Variants in DCDC2 observed in about 807,000 individuals in gnomAD.
DCDC2 encodes the protein doublecortin domain containing 2.
DCDC2 carries 40 observed loss-of-function variants against 50.2 expected under a neutral mutation model. The ratio of observed to expected loss-of-function variants is 0.80; its 90% CI spans 0.62 to 1.04. The LOEUF (loss-of-function observed/expected upper bound fraction) is 1.04. DCDC2 is among the 50% of genes least tolerant of loss of function. The probability of loss-of-function intolerance (pLI) is 0.00; values close to 1 mark genes in which losing one functional copy is unlikely to be tolerated. For missense variants in DCDC2, 570 were observed against 581.9 expected, an observed-to-expected ratio of 0.98 and a Z score of 0.21; for synonymous variants, 234 against 210.6, an observed-to-expected ratio of 1.11 and a Z score of -0.96.
intron 2 of DCDC2, among the ~76,000 whole-genome samples, chr6:24,316,024 C>T (rs911994619): frequency 2.0e-5 from 3 of 152,100 alleles, no homozygotes; most frequent in Non-Finnish European, 2.9e-5. Flanking sequence ...GGCTAGTAAG[C>T]GAAGGAGACC....
chr6:24,211,828 A>G (rs1488902291), intron 7 of DCDC2, among the ~76,000 whole-genome samples: 2 of 152,198 alleles, frequency 1.3e-5, no homozygotes, highest in African/African-American at 4.8e-5. Flanking sequence ...CAGAACTGTA[A>G]GATAATAAAT....
intron 9 of DCDC2, among the ~76,000 whole-genome samples, chr6:24,175,614 C>A (rs1475700917): frequency 6.6e-6 from 1 of 152,126 alleles, no homozygotes; most frequent in Non-Finnish European, 1.5e-5. Context: ...TCACACTGTT[C>A]CTTTGTGAAA....
chr6:24,320,743 T>C (rs1759759962), intron 2 of DCDC2, among the ~76,000 whole-genome samples: 1 of 152,198 alleles, frequency 6.6e-6, no homozygotes, highest in South Asian at 2.1e-4. Context: ...TGTACATTTA[T>C]TTTCTAGTTC....
At chr6:24,224,072 A>G (rs878983306) in intron 7 of DCDC2, among the ~76,000 whole-genome samples, 2 of 130,598 alleles carry the variant, frequency 1.5e-5, no homozygotes, top group South Asian at 2.5e-4. Flanking sequence ...TCAAGACAGA[A>G]AAAAAAAAGG....
chr6:24,285,211 G>C (rs532946094), intron 6 of DCDC2, among the ~76,000 whole-genome samples: 1 of 152,134 alleles, frequency 6.6e-6, no homozygotes, highest in Non-Finnish European at 1.5e-5. Context: ...GGTGCTACGG[G>C]AACACTGTGG....
the DCDC2 span, among the ~76,000 whole-genome samples, chr6:24,365,358 C>T: frequency 4.9e-4 from 74 of 152,360 alleles, no homozygotes; most frequent in Admixed American, 9.1e-4. Flanking sequence ...ACGGCATGAT[C>T]TCGGCTTACT....
At chr6:24,321,111 T>C (rs1265239825) in intron 2 of DCDC2, among the ~76,000 whole-genome samples, 1 of 152,046 alleles carries the variant, frequency 6.6e-6, no homozygotes, top group Non-Finnish European at 1.5e-5. Context: ...GAATCCATAC[T>C]GATGCAAATA....
chr6:24,222,951 T>C (rs1370749820), intron 7 of DCDC2, among the ~76,000 whole-genome samples: 1 of 152,188 alleles, frequency 6.6e-6, no homozygotes, highest in Non-Finnish European at 1.5e-5. Flanking sequence ...GCTGAACTTT[T>C]AAGAAAAAAA....
At chr6:24,282,511 G>A (rs1763500157) in intron 6 of DCDC2, among the ~76,000 whole-genome samples, 2 of 151,960 alleles carry the variant, frequency 1.3e-5, no homozygotes, top group Admixed American at 1.3e-4. Context: ...CCAAAGTGCT[G>A]GGATTACAGG....
chr6:24,372,458 C>T, the DCDC2 span, among the ~76,000 whole-genome samples: 1 of 151,786 alleles, frequency 6.6e-6, no homozygotes, highest in Non-Finnish European at 1.5e-5. Context: ...TATAAAGACA[C>T]ATGCACAGGT....
At chr6:24,243,007 GA>G (rs1762596875) in intron 7 of DCDC2, among the ~76,000 whole-genome samples, 1 of 151,932 alleles carries the variant, frequency 6.6e-6, no homozygotes, top group Non-Finnish European at 1.5e-5. Flanking sequence ...AGGAAAAAAG[GA>G]AGGAATATAT....
In DCDC2 at chr6:24,172,451, G is replaced by A. The variant is rs1760800198; in HGVS notation, c.*2279C>T. On this transcript the variant is annotated 3_prime_UTR_variant, in exon 10 of 10. Coordinates refer to ENST00000378454, the MANE Select transcript of DCDC2 (RefSeq NM_016356.5). The stretch of plus-strand genomic sequence containing the variant: ...TATTCATGTAAAATATCAATGTTGT[G>A]CTTCATTAAAATGACGCTTAAGGTG... The A allele has an allele frequency of 6.6e-6, 1 of 151,916 alleles. No individual in the cohort carries two copies. The highest frequency in any genetic ancestry group is 6.6e-5 in the Admixed American group (1 of 15,248). 9.4% of individuals were successfully genotyped at this position (151,916 alleles called of 1,614,324 possible). A position where few individuals can be genotyped will look rare whatever the true frequency, so the allele number is the denominator to read the frequency against.
chr6:24,316,216 G>T (rs1178964758), intron 2 of DCDC2, among the ~76,000 whole-genome samples: 1 of 152,110 alleles, frequency 6.6e-6, no homozygotes, highest in Non-Finnish European at 1.5e-5. Context: ...ACAGATGTGG[G>T]AGTAATCAGC....
chr6:24,327,823 T>C, intron 2 of DCDC2, among the ~76,000 whole-genome samples: 1 of 152,258 alleles, frequency 6.6e-6, no homozygotes. Flanking sequence ...GTAAACAAAA[T>C]GAATATTCTT....
intron 9 of DCDC2, among the ~76,000 whole-genome samples, chr6:24,176,626 C>A (rs909145502): frequency 1.4e-4 from 21 of 152,052 alleles, no homozygotes; most frequent in African/African-American, 4.3e-4. Context: ...TGGTGAGAAC[C>A]CTTCAAATCT....
intron 6 of DCDC2, among the ~76,000 whole-genome samples, chr6:24,285,795 A>G (rs1243497476): frequency 6.6e-6 from 1 of 152,254 alleles, no homozygotes; most frequent in Non-Finnish European, 1.5e-5. Flanking sequence ...AGTCACTGTG[A>G]ATACAAAGAG....
intron 7 of DCDC2, among the ~76,000 whole-genome samples, chr6:24,271,852 G>A (rs900642020): frequency 6.6e-6 from 1 of 152,058 alleles, no homozygotes; most frequent in Non-Finnish European, 1.5e-5. Context: ...ATGAATTTCC[G>A]GAATGAAATC....
At chr6:24,184,070 A>G (rs184312849) in intron 8 of DCDC2, among the ~76,000 whole-genome samples, 2 of 152,332 alleles carry the variant, frequency 1.3e-5, no homozygotes, top group East Asian at 3.9e-4. Context: ...AGAGTAAATG[A>G]GAAATCGCAT....
At chr6:24,242,911 G>A (rs1272389286) in intron 7 of DCDC2, among the ~76,000 whole-genome samples, 3 of 152,000 alleles carry the variant, frequency 2.0e-5, no homozygotes, top group African/African-American at 7.2e-5. Flanking sequence ...GCAGTGAGCC[G>A]AGATCATGCC....
Sources: allele counts gnomAD v4.1 joint callset (sites outside exome capture counted in the v4.1 genomes callset), GRCh38; gene constraint gnomAD v4.1.1; transcripts MANE v1.5; gene names NCBI Gene and HGNC (gene_info 2026-07-23, HGNC 2026-07-21).